Variants in DIP2B observed in about 807,000 individuals in gnomAD.
DIP2B encodes DIP2 acetate--CoA ligase B (putative), also known as disco-interacting protein 2 homolog B.
DIP2B carries 76 observed loss-of-function variants against 198.0 expected under a neutral mutation model. The ratio of observed to expected loss-of-function variants is 0.38; its 90% confidence interval spans 0.32 to 0.46. The LOEUF is 0.46. DIP2B is among the 20% of genes least tolerant of loss of function. DIP2B has a pLI of 0.99. For synonymous variants in DIP2B, 701 were observed against 739.1 expected (o/e 0.95, Z 0.84); for missense variants, 1,559 against 1,978.4 (o/e 0.79, Z 4.02).
intron 1 of DIP2B, among the ~76,000 whole-genome samples, chr12:50,544,360 G>A (rs974590961): frequency 3.3e-5 from 5 of 152,220 alleles, no homozygotes; most frequent in African/African-American, 1.2e-4. Context: ...GGGCTGGAGT[G>A]CAGTAGCACG....
chr12:50,697,774 A>G (rs1210721383), intron 17 of DIP2B, among the ~76,000 whole-genome samples: 1 of 146,810 alleles, frequency 6.8e-6, no homozygotes, highest in African/African-American at 2.5e-5. Context: ...TGAGCAGTCC[A>G]CCTTCCTTGT....
intron 1 of DIP2B, among the ~76,000 whole-genome samples, chr12:50,603,476 T>C (rs958995177): frequency 2.0e-5 from 3 of 151,922 alleles, no homozygotes; most frequent in African/African-American, 7.2e-5. Flanking sequence ...CGGTGGCTCA[T>C]GCCTATAATC....
chr12:50,649,561 C>A (rs534190370), intron 3 of DIP2B, among the ~76,000 whole-genome samples: 1 of 152,174 alleles, frequency 6.6e-6, no homozygotes, highest in African/African-American at 2.4e-5. Flanking sequence ...CATGTATAAG[C>A]ATAAACTTCA....
intron 36 of DIP2B, among the ~76,000 whole-genome samples, chr12:50,740,068 G>A (rs1303410359): frequency 6.6e-6 from 1 of 152,164 alleles, no homozygotes; most frequent in Non-Finnish European, 1.5e-5. Flanking sequence ...TCTGGTATGA[G>A]GATTCCCTCC....
chr12:50,559,447 A>G (rs1209306225), intron 1 of DIP2B, among the ~76,000 whole-genome samples: 3 of 152,034 alleles, frequency 2.0e-5, no homozygotes, highest in African/African-American at 7.2e-5. Flanking sequence ...GTCCTTAAAA[A>G]AAATATTATT....
chr12:50,698,389 T>C lies in DIP2B; in HGVS notation c.2110T>C (p.Tyr704His). 6.2e-7 allele frequency: 1 copy of C among 1,614,044 alleles called. No individual in the cohort carries two copies. Among genetic ancestry groups the C allele is most frequent in the Non-Finnish European group, 8.5e-7 (1 of 1,179,944 alleles). ...CATTCTCTCAATGAATGGATTGAGC[T>C]ATGGGGTAATACGGGTCAATACTGA... is the stretch of plus-strand genomic sequence containing the variant. The part of the protein sequence containing the change: ...RAILSMNGLS[Y>H]GVIRVNTEDK... Residue 704 changes from tyrosine (Y) to histidine (H), a missense_variant, in exon 18 of 38, where the codon TAT becomes CAT. Physicochemically the swap from Tyr to His is moderately conservative, Grantham distance 83. Transcript: ENST00000301180.
At chr12:50,637,698 C>T (rs1938184282) in intron 2 of DIP2B, among the ~76,000 whole-genome samples, 1 of 152,178 alleles carries the variant, frequency 6.6e-6, no homozygotes, top group Non-Finnish European at 1.5e-5. Flanking sequence ...TGTTCACCTC[C>T]CAGAAGTTGA....
chr12:50,528,067 A>G (rs937166949), intron 1 of DIP2B, among the ~76,000 whole-genome samples: 3 of 151,946 alleles, frequency 2.0e-5, no homozygotes, highest in African/African-American at 4.8e-5. Flanking sequence ...AGCTGAGACT[A>G]CAAGCATGCA....
At chr12:50,695,773 A>G (rs1939299807) in intron 15 of DIP2B, 75 bp from the exon 16 acceptor site, 1 of 1,561,054 alleles carries the variant, frequency 6.4e-7, no homozygotes, top group South Asian at 1.2e-5. Context: ...ATAAGTAAAA[A>G]TGTTTTTATT....
chr12:50,704,784 G>A (rs916574157), intron 20 of DIP2B, among the ~76,000 whole-genome samples: 1 of 152,074 alleles, frequency 6.6e-6, no homozygotes, highest in Admixed American at 6.6e-5. Context: ...GGCCAACATG[G>A]CAAATTCTGT....
chr12:50,696,534 G>A (rs915190078), intron 16 of DIP2B, among the ~76,000 whole-genome samples: 2 of 152,090 alleles, frequency 1.3e-5, no homozygotes, highest in African/African-American at 2.4e-5. Flanking sequence ...TGTGTTACCT[G>A]CTTTTCTCTA....
rs150287701 is a variant in DIP2B, at chr12:50,703,105, C to G, written c.2326-1035C>G. On this transcript the variant is annotated intron_variant, in intron 19 of 37. Transcript: ENST00000301180. ...AGGCGTGGTAACCCGCACCTGTACTCCCAGATCCTTGGGAGGCTGAGGTGG... is the reference window on the plus strand; with the variant it reads ...AGGCGTGGTAACCCGCACCTGTACTGCCAGATCCTTGGGAGGCTGAGGTGG... Among the ~76,000 whole-genome samples, 436 of 152,004 alleles carry G rather than the reference C, an allele frequency of 2.9e-3. 5 individuals are homozygous for G. Among genetic ancestry groups the G allele is most frequent in the African/African-American group, 1.0e-2 (414 of 41,458 alleles).
chr12:50,570,700 C>T (rs1958605189), intron 1 of DIP2B, among the ~76,000 whole-genome samples: 1 of 152,210 alleles, frequency 6.6e-6, no homozygotes, highest in African/African-American at 2.4e-5. Context: ...AAGAGTGAAA[C>T]TCGGTCCCCC....
At position 50,586,184 on chromosome 12, in the gene DIP2B, C is replaced by T. The variant is rs75013442; in HGVS notation, c.101-39792C>T. ...CACTGTGGACAACAATATAGCTATT[C>T]CTGGTTTTACCAAAATGGTAAAAAA... On this transcript the variant is annotated intron_variant, in intron 1 of 37. Transcript: ENST00000301180. Among the ~76,000 whole-genome samples the T allele has an allele frequency of 2.3e-3, 349 of 152,242 alleles. 2 individuals are homozygous for T. Among genetic ancestry groups the T allele is most frequent in the African/African-American group, 7.8e-3 (324 of 41,536 alleles).
chr12:50,706,620 C>G lies in DIP2B; in HGVS notation c.2489C>G (p.Ala830Gly). The G allele has an allele frequency of 6.2e-7, 1 of 1,613,996 alleles. No individual in the cohort carries two copies. The highest frequency in any genetic ancestry group is 2.2e-5 in the East Asian group (1 of 44,858). ...GRRHNADDIV[A>G]TGLAVESIKT... is the part of the protein sequence containing the mutation. ...AGACATAATGCTGATGACATTGTTG[C>G]TACTGGATTGGCTGTAGAATCAATA... Residue 830 changes from alanine to glycine, a missense_variant, in exon 21 of 38, where the codon GCT becomes GGT. Physicochemically the swap from Ala to Gly is moderately conservative, Grantham distance 60. Transcript: ENST00000301180.
At chr12:50,703,189 C>T (rs1220316775) in intron 19 of DIP2B, among the ~76,000 whole-genome samples, 1 of 149,576 alleles carries the variant, frequency 6.7e-6, no homozygotes, top group Non-Finnish European at 1.5e-5. Context: ...CACCATTGCA[C>T]TCCAGCCTGG....
intron 1 of DIP2B, among the ~76,000 whole-genome samples, chr12:50,589,439 A>T (rs1958800408): frequency 6.6e-6 from 1 of 151,860 alleles, no homozygotes; most frequent in Admixed American, 6.6e-5. Flanking sequence ...TCGGCGTCCC[A>T]AAGTGCTGGG....
At chr12:50,651,293 G>A (rs2139500668) in intron 3 of DIP2B, among the ~76,000 whole-genome samples, 1 of 152,176 alleles carries the variant, frequency 6.6e-6, no homozygotes, top group Middle Eastern at 3.4e-3. Flanking sequence ...TTTTTATTCT[G>A]TTGATTGTTT....
chr12:50,543,839 A>T (rs1350812164), intron 1 of DIP2B, among the ~76,000 whole-genome samples: 1 of 144,114 alleles, frequency 6.9e-6, no homozygotes, highest in Admixed American at 7.0e-5. Flanking sequence ...CAGGAGAATC[A>T]CTTGAGCCTG....
Sources: allele counts gnomAD v4.1 joint callset (sites outside exome capture counted in the v4.1 genomes callset), GRCh38; gene constraint gnomAD v4.1.1; transcripts MANE v1.5; gene names NCBI Gene and HGNC (gene_info 2026-07-23, HGNC 2026-07-21).